The following RASGEF1B variants were observed in gnomAD, a reference collection of about 807,000 sequenced individuals.
RASGEF1B encodes RasGEF domain family member 1B.
Under a neutral mutation model 65.7 loss-of-function variants are expected in RASGEF1B, and 30 were observed. The ratio of observed to expected loss-of-function variants is 0.46; its 90% CI spans 0.34 to 0.62. RASGEF1B has a LOEUF of 0.62. Among genes scored for constraint, RASGEF1B ranks in the 20% least tolerant of loss-of-function variants. The pLI is 0.01. For missense variants in RASGEF1B, 495 were observed against 580.1 expected (o/e 0.85, Z 1.51); for synonymous variants, 175 against 194.8 (o/e 0.90, Z 0.85).
At chr4:81,444,749 G>A (rs565703134) in intron 8 of RASGEF1B, among the ~76,000 whole-genome samples, 13 of 152,202 alleles carry the variant, frequency 8.5e-5, no homozygotes, top group Non-Finnish European at 1.6e-4. Flanking sequence ...GTTGGCCAGG[G>A]TGGTCTCGAT....
chr4:81,442,498 A>G (rs895027176), intron 8 of RASGEF1B, 122 bp from the exon 9 acceptor site: 9 of 655,640 alleles, frequency 1.4e-5, no homozygotes, highest in Non-Finnish European at 2.7e-6. Flanking sequence ...ATTAGTAAGT[A>G]ACAAACTCCA....
chr4:81,466,773 AGAAAGAAAGAAAGAAAGAAAG>A (rs1387957414), intron 1 of RASGEF1B, among the ~76,000 whole-genome samples: 3 of 81,162 alleles, frequency 3.7e-5, no homozygotes, highest in African/African-American at 2.0e-4. Context: ...AAAAAAAAAA[AGAAAGAAAGAAAGAAAGAAAG>A]AAAGAAAGAA....
intron 1 of RASGEF1B, among the ~76,000 whole-genome samples, chr4:81,466,947 A>G (rs1048779366): frequency 2.7e-5 from 4 of 147,854 alleles, no homozygotes; most frequent in East Asian, 1.9e-4. Context: ...TAAAAAAAAA[A>G]AAAAAAAAGA....
chr4:81,464,301 T>C (rs895779591), intron 1 of RASGEF1B, among the ~76,000 whole-genome samples: 6 of 152,146 alleles, frequency 3.9e-5, no homozygotes. Flanking sequence ...CTGACTCTTC[T>C]CCAAAATTAG....
intron 2 of RASGEF1B, among the ~76,000 whole-genome samples, chr4:81,458,480 T>A (rs1223726498): frequency 6.6e-6 from 1 of 152,212 alleles, no homozygotes; most frequent in African/African-American, 2.4e-5. Context: ...CTATGGTGAA[T>A]TACTGCGGCA....
At chr4:81,467,530 A>G (rs1349458694) in intron 1 of RASGEF1B, among the ~76,000 whole-genome samples, 1 of 152,198 alleles carries the variant, frequency 6.6e-6, no homozygotes, top group Non-Finnish European at 1.5e-5. Context: ...TTCTTTATGC[A>G]TTAACTTTTT....
chr4:81,437,052 C>T (rs994640587), intron 10 of RASGEF1B, among the ~76,000 whole-genome samples: 2 of 152,166 alleles, frequency 1.3e-5, no homozygotes, highest in Non-Finnish European at 2.9e-5. Flanking sequence ...AAAAGTACAA[C>T]TGAACCTTGC....
intron 1 of RASGEF1B, among the ~76,000 whole-genome samples, chr4:81,468,519 G>T (rs1722925086): frequency 6.6e-6 from 1 of 152,090 alleles, no homozygotes; most frequent in Admixed American, 6.5e-5. Context: ...AAGAAAAAAT[G>T]ATTGTTGAAG....
intron 10 of RASGEF1B, among the ~76,000 whole-genome samples, chr4:81,438,525 T>TA (rs1721722718): frequency 6.6e-6 from 1 of 152,246 alleles, no homozygotes; most frequent in Non-Finnish European, 1.5e-5. Context: ...AGCCCAACTG[T>TA]AAAAAGAGAT....
intron 10 of RASGEF1B, among the ~76,000 whole-genome samples, chr4:81,435,948 T>C (rs1721618676): frequency 6.6e-6 from 1 of 151,606 alleles, no homozygotes; most frequent in Non-Finnish European, 1.5e-5. Context: ...CCAGTTAATT[T>C]TTAAAAATTT....
chr4:81,470,394 A>G (rs1463653856), intron 1 of RASGEF1B, among the ~76,000 whole-genome samples: 1 of 152,194 alleles, frequency 6.6e-6, no homozygotes, highest in Non-Finnish European at 1.5e-5. Flanking sequence ...CATAGCCATC[A>G]CATGCCAAGC....
At chr4:81,446,321 C>T (rs1333907599) in intron 6 of RASGEF1B, among the ~76,000 whole-genome samples, 5 of 152,126 alleles carry the variant, frequency 3.3e-5, no homozygotes, top group South Asian at 2.1e-4. Context: ...TGTAGTGAAC[C>T]GGGATCGTGC....
chr4:81,434,622 T>C lies in RASGEF1B; in HGVS notation c.1200+17A>G. The C allele has an allele frequency of 6.7e-7, 1 of 1,484,570 alleles. No individual in the cohort carries two copies. Among genetic ancestry groups the C allele is most frequent in the Non-Finnish European group, 9.4e-7 (1 of 1,061,868 alleles). The allele number at this position is 1,484,570 out of a possible 1,614,324, so 92.0% of individuals were successfully genotyped here. A position where few individuals can be genotyped will look rare whatever the true frequency, so the allele number is the denominator to read the frequency against. The stretch of plus-strand genomic sequence containing the variant: ...TCCTTGTGCTTGGATTTTTGTATCC[T>C]ACTTTATCACACTCACCTCAAAATT... On this transcript the variant is annotated intron_variant, in intron 11 of 13. Transcript: ENST00000264400.
At chr4:81,429,751 C>A (rs1463816594) in intron 13 of RASGEF1B, among the ~76,000 whole-genome samples, 1 of 152,058 alleles carries the variant, frequency 6.6e-6, no homozygotes, top group African/African-American at 2.4e-5. Context: ...CCGAAAGATG[C>A]CAGCACGCAG....
intron 8 of RASGEF1B, among the ~76,000 whole-genome samples, chr4:81,443,107 C>G (rs1721901740): frequency 6.6e-6 from 1 of 152,206 alleles, no homozygotes; most frequent in Non-Finnish European, 1.5e-5. Flanking sequence ...CACACTCATT[C>G]CAACAAGCCA....
intron 4 of RASGEF1B, chr4:81,455,409 G>A (rs141534536): frequency 3.8e-4 from 58 of 152,300 alleles, no homozygotes; most frequent in African/African-American, 1.2e-3. Context: ...CTACACTCTA[G>A]CCTGAGGAAC....
chr4:81,433,946 G>C lies in RASGEF1B; in HGVS notation c.1218C>G (p.Ala406=). Residue 406 remains alanine (A), a synonymous_variant, in exon 12 of 14, where the codon GCC becomes GCG. Transcript: ENST00000264400. ...ATGTCATAAATTCACTCACTTGTTT[G>C]GCCAGTTCCCAAAATTTCTGGAAGA... ...HVNFEKFWEL[A]KQVSEFMTWK... The C allele has an allele frequency of 6.2e-7, 1 of 1,613,402 alleles. No individual in the cohort carries two copies. Among genetic ancestry groups the C allele is most frequent in the Non-Finnish European group, 8.5e-7 (1 of 1,179,686 alleles).
At chr4:81,454,651 A>T (rs957535470) in intron 4 of RASGEF1B, 2 of 152,218 alleles carry the variant, frequency 1.3e-5, no homozygotes, top group African/African-American at 4.8e-5. Context: ...CTATCAATTC[A>T]TACCTGGCTA....
At chr4:81,442,202 C>A in intron 9 of RASGEF1B, 95 bp downstream of exon 9, 1 of 809,842 alleles carries the variant, frequency 1.2e-6, no homozygotes, top group Admixed American at 2.1e-5. Context: ...GCTTTTTCCT[C>A]TGTCGTAGTC....
Sources: gnomAD v4.1 joint callset for allele counts (sites outside exome capture counted in the v4.1 genomes callset) on GRCh38, gnomAD v4.1.1 for gene constraint, MANE v1.5 for transcripts, NCBI Gene and HGNC (gene_info 2026-07-23, HGNC 2026-07-21) for gene names.